ZFYVE9: variants seen among roughly 807,000 people sequenced by gnomAD.
ZFYVE9 encodes the protein zinc finger FYVE-type containing 9.
A neutral mutation model predicts 126.7 loss-of-function variants in ZFYVE9; 43 were observed. The observed-to-expected ratio is 0.34, with a 90% CI of 0.27 to 0.44. ZFYVE9 has a LOEUF of 0.44. Ranked by LOEUF, ZFYVE9 falls within the 20% of genes least tolerant of loss-of-function variation. The probability of loss-of-function intolerance (pLI) is 1.00; values close to 1 mark genes in which losing one functional copy is unlikely to be tolerated. For missense variants in ZFYVE9, 1,476 were observed against 1,697.0 expected, an observed-to-expected ratio of 0.87 and a Z score of 2.29; for synonymous variants, 521 against 597.4, an observed-to-expected ratio of 0.87 and a Z score of 1.87.
At chr1:52,294,311 G>A (rs1392344373) in intron 11 of ZFYVE9, among the ~76,000 whole-genome samples, 1 of 152,158 alleles carries the variant, frequency 6.6e-6, no homozygotes, top group Non-Finnish European at 1.5e-5. Context: ...TTCTCTGATT[G>A]TGTTTCTTTT....
chr1:52,317,084 A>G (rs1057433761), intron 13 of ZFYVE9, among the ~76,000 whole-genome samples: 21 of 152,260 alleles, frequency 1.4e-4, no homozygotes, highest in African/African-American at 3.1e-4. Context: ...ACATTTCCCA[A>G]TAATCCATGG....
intron 10 of ZFYVE9, 67 bp from the exon 11 acceptor site, chr1:52,293,376 CAAAAAAAAAA>C (rs376379860): frequency 6.7e-6 from 4 of 597,132 alleles, no homozygotes; most frequent in East Asian, 5.4e-5. Context: ...GACTCCGTCT[CAAAAAAAAAA>C]AAAAAAAAAA....
rs1431545767 is a variant in ZFYVE9 at position 52,142,895 on chromosome 1, G to A, written c.-143+492G>A. Reference sequence around the variant, plus strand: ...GGGGGTGCAGAGAGTGCGGGACCAAGAGAGCCCCTGCTACTCCTGGAGTGT... The same window carrying A: ...GGGGGTGCAGAGAGTGCGGGACCAAAAGAGCCCCTGCTACTCCTGGAGTGT... On this transcript the variant is annotated intron_variant, in intron 1 of 18. Transcript: ENST00000287727. The surrounding 1 kb of genome is among the most constrained non-coding windows in gnomAD (Gnocchi z 4.5). Among the ~76,000 whole-genome samples, 2 of 152,138 alleles carry A rather than the reference G, an allele frequency of 1.3e-5. No individual in the cohort carries two copies. The highest frequency in any genetic ancestry group is 4.8e-5 in the African/African-American group (2 of 41,442).
intron 10 of ZFYVE9, 55 bp from the exon 11 acceptor site, chr1:52,293,398 A>AT (rs1358021781): frequency 5.0e-5 from 60 of 1,199,888 alleles, no homozygotes; most frequent in East Asian, 8.1e-5. Flanking sequence ...AAAAAAAAAA[A>AT]GAAATATGAT....
intron 15 of ZFYVE9, among the ~76,000 whole-genome samples, chr1:52,336,473 C>G (rs1177276264): frequency 6.7e-6 from 1 of 148,526 alleles, no homozygotes; most frequent in Non-Finnish European, 1.5e-5. Context: ...TCTCCTGCCT[C>G]AGTCTCCTGA....
intron 1 of ZFYVE9, among the ~76,000 whole-genome samples, chr1:52,170,960 A>G (rs1008131519): frequency 6.7e-5 from 10 of 150,104 alleles, no homozygotes; most frequent in African/African-American, 1.7e-4. Context: ...GTTAATATCT[A>G]TTAGGTCCAT....
intron 13 of ZFYVE9, among the ~76,000 whole-genome samples, chr1:52,325,797 T>C (rs1646285162): frequency 6.6e-6 from 1 of 152,218 alleles, no homozygotes. Context: ...CTGCTTAAAC[T>C]CCTCTATAAA....
intron 1 of ZFYVE9, chr1:52,160,500 C>T (rs994282343): frequency 1.3e-4 from 104 of 789,272 alleles, no homozygotes; most frequent in African/African-American, 1.3e-3. Flanking sequence ...TCACCTGAAG[C>T]GGCTACTCTA....
intron 1 of ZFYVE9, among the ~76,000 whole-genome samples, chr1:52,151,791 A>G (rs563020319): frequency 1.6e-4 from 25 of 152,212 alleles, no homozygotes; most frequent in African/African-American, 5.5e-4. Context: ...TGCTGGGATT[A>G]GAGACATGAG....
chr1:52,328,687 C>T (rs912956325), intron 13 of ZFYVE9, among the ~76,000 whole-genome samples: 8 of 152,152 alleles, frequency 5.3e-5, no homozygotes, highest in Non-Finnish European at 1.2e-4. Context: ...AAATTGTGAT[C>T]ATCTCAGTTT....
At chr1:52,232,096 C>T (rs971077899) in intron 2 of ZFYVE9, among the ~76,000 whole-genome samples, 2 of 152,104 alleles carry the variant, frequency 1.3e-5, no homozygotes, top group African/African-American at 2.4e-5. Context: ...CAAAGACAGC[C>T]TATTACATTT....
At position 52,346,081 on chromosome 1, in the gene ZFYVE9, A is replaced by C; in HGVS notation, c.4138A>C (p.Asn1380His). Residue 1380 changes from asparagine to histidine, a missense_variant, in exon 19 of 19, where the codon AAT (asparagine) becomes CAT (histidine). Physicochemically the swap from Asn to His is moderately conservative, Grantham distance 68. Transcript: ENST00000287727. Reference sequence around the variant, plus strand: ...ATAGGTTGGCTATCAAGCAGGGAGCAATGGCCAGCCCCTTCCCTCGCAGTA... The same window carrying C: ...ATAGGTTGGCTATCAAGCAGGGAGCCATGGCCAGCCCCTTCCCTCGCAGTA... ...SDQVGYQAGS[N>H]GQPLPSQYMN... 6.2e-7 allele frequency: 1 copy of C among 1,606,826 alleles called. No individual in the cohort carries two copies. Among genetic ancestry groups the C allele is most frequent in the Non-Finnish European group, 8.5e-7 (1 of 1,175,050 alleles).
chr1:52,184,248 G>A (rs748479264), intron 1 of ZFYVE9, among the ~76,000 whole-genome samples: 4 of 143,824 alleles, frequency 2.8e-5, no homozygotes, highest in Non-Finnish European at 4.5e-5. Flanking sequence ...TTTTGAGATG[G>A]ATTTTCACTC....
chr1:52,308,059 A>C (rs370190049), intron 13 of ZFYVE9, among the ~76,000 whole-genome samples: 1 of 151,772 alleles, frequency 6.6e-6, no homozygotes, highest in Non-Finnish European at 1.5e-5. Context: ...GCCACAAACA[A>C]TTTTCCTTCT....
At chr1:52,324,999 G>A (rs542759898) in intron 13 of ZFYVE9, among the ~76,000 whole-genome samples, 2 of 152,310 alleles carry the variant, frequency 1.3e-5, no homozygotes, top group South Asian at 4.1e-4. Flanking sequence ...AAAGAATTAG[G>A]CTGGGCGTGG....
intron 12 of ZFYVE9, among the ~76,000 whole-genome samples, chr1:52,297,422 A>G (rs1645988038): frequency 6.6e-6 from 1 of 151,894 alleles, no homozygotes; most frequent in Admixed American, 6.6e-5. Context: ...TATTTTTCAT[A>G]GAGACAGGGT....
At chr1:52,175,050 G>A (rs1403776755) in intron 1 of ZFYVE9, among the ~76,000 whole-genome samples, 1 of 152,078 alleles carries the variant, frequency 6.6e-6, no homozygotes, top group Non-Finnish European at 1.5e-5. Flanking sequence ...TGTCATTATG[G>A]TGTTAGCTGG....
chr1:52,199,490 C>A (rs1644903223), intron 1 of ZFYVE9, among the ~76,000 whole-genome samples: 1 of 152,150 alleles, frequency 6.6e-6, no homozygotes, highest in South Asian at 2.1e-4. Context: ...AAGGTTCTTC[C>A]ATATCTTTTT....
In ZFYVE9 at chr1:52,239,006, G is replaced by A. The variant is rs774962592; in HGVS notation, c.1589G>A (p.Gly530Glu). ...CAGAGAGGAAATGAGGCCACAGAAG[G>A]GAGTGGACTACTTTTAAACAGCACT... ...YEQRGNEATE[G>E]SGLLLNSTGD... Residue 530 changes from glycine (G) to glutamate (E), a missense_variant, in exon 4 of 19, where the codon GGG (glycine) becomes GAG (glutamate). Coordinates refer to ENST00000287727, the MANE Select transcript of ZFYVE9 (RefSeq NM_004799.4). 6 of 1,614,012 alleles carry A rather than the reference G, an allele frequency of 3.7e-6. No individual in the cohort carries two copies. In the South Asian group the frequency reaches 4.4e-5, roughly 12 times the overall value.
Sources: allele counts gnomAD v4.1 joint callset (sites outside exome capture counted in the v4.1 genomes callset), GRCh38; gene constraint gnomAD v4.1.1; non-coding constraint Gnocchi (gnomAD v3.1); transcripts MANE v1.5; gene names NCBI Gene and HGNC (gene_info 2026-07-23, HGNC 2026-07-21).